The following RBFOX3 variants were observed in gnomAD, a reference collection of about 807,000 sequenced individuals.
The protein encoded by RBFOX3 is RNA binding protein fox-1 homolog 3.
RBFOX3 carries 17 observed loss-of-function variants against 48.7 expected under a neutral mutation model. That is an observed-to-expected ratio of 0.35 (90% CI 0.24 to 0.52). The LOEUF is 0.52. RBFOX3 is among the 20% of genes least tolerant of loss of function. The pLI is 0.94. For synonymous variants in RBFOX3, 212 were observed against 209.5 expected (o/e 1.01, Z -0.10); for missense variants, 382 against 497.5 (o/e 0.77, Z 2.21).
intron 2 of RBFOX3, among the ~76,000 whole-genome samples, chr17:79,348,090 T>A (rs2083207094): frequency 1.3e-5 from 2 of 152,056 alleles, no homozygotes; most frequent in Non-Finnish European, 2.9e-5. Flanking sequence ...ACCTTCCCCC[T>A]CCTGAGAGAT....
At chr17:79,267,466 C>T (rs527618773) in intron 3 of RBFOX3, among the ~76,000 whole-genome samples, 2 of 152,206 alleles carry the variant, frequency 1.3e-5, no homozygotes, top group East Asian at 3.9e-4. Context: ...TCTCGGCTTA[C>T]TGCAACCTCC....
chr17:79,168,380 A>G (rs1432031293), intron 4 of RBFOX3, among the ~76,000 whole-genome samples: 1 of 152,270 alleles, frequency 6.6e-6, no homozygotes, highest in Non-Finnish European at 1.5e-5. Context: ...TGAATTGACC[A>G]AATGGAAATA....
chr17:79,094,195 A>G, intron 14 of RBFOX3: 1 of 423,114 alleles, frequency 2.4e-6, no homozygotes, highest in African/African-American at 2.0e-5. Context: ...GAAACGGATC[A>G]GGCACATTGG....
In RBFOX3 at chr17:79,283,133, T is replaced by C. The variant is rs1000566291; in HGVS notation, c.-74+24591A>G. On this transcript the variant is annotated intron_variant, in intron 3 of 14. Coordinates refer to ENST00000693108, the MANE Select transcript of RBFOX3 (RefSeq NM_001350451.2). The stretch of plus-strand genomic sequence containing the variant: ...AACGCTTGCTAAAGCCATCGATATT[T>C]TGTCATATGGAACAGGAGCAGCCTC... 6.6e-5 allele frequency among the ~76,000 whole-genome samples: 10 copies of C among 152,300 alleles called. No homozygotes were observed. In the South Asian group the frequency reaches 1.7e-3, roughly 25 times the overall value.
intron 4 of RBFOX3, among the ~76,000 whole-genome samples, chr17:79,120,419 G>A (rs748764229): frequency 4.0e-5 from 6 of 150,032 alleles, no homozygotes; most frequent in Admixed American, 6.6e-5. Context: ...TAAAGGGTGG[G>A]TAGATGAGTG....
the RBFOX3 span, among the ~76,000 whole-genome samples, chr17:79,626,407 G>A: frequency 6.6e-6 from 1 of 152,204 alleles, no homozygotes; most frequent in Admixed American, 6.5e-5. Flanking sequence ...AGCGGGCCAC[G>A]CCAGTAAGCA....
intron 5 of RBFOX3, among the ~76,000 whole-genome samples, chr17:79,114,712 G>A (rs901153541): frequency 6.6e-6 from 1 of 152,206 alleles, no homozygotes; most frequent in African/African-American, 2.4e-5. Context: ...CTGGGACAGG[G>A]CCAGCGGGGA....
chr17:79,129,197 C>T (rs1675270), intron 4 of RBFOX3, among the ~76,000 whole-genome samples: 32,607 of 152,188 alleles, frequency 0.21, 3,631 homozygotes, highest in Middle Eastern at 0.25. Flanking sequence ...ATGCCCAGCA[C>T]TGGGTGAAGC....
At chr17:79,503,570 C>A (rs1463811206) in intron 1 of RBFOX3, among the ~76,000 whole-genome samples, 1 of 152,166 alleles carries the variant, frequency 6.6e-6, no homozygotes, top group Non-Finnish European at 1.5e-5. Context: ...TTTAGACACT[C>A]GGCCAGCCTG....
chr17:79,283,308 G>T (rs9906034), intron 3 of RBFOX3, among the ~76,000 whole-genome samples: 10 of 141,034 alleles, frequency 7.1e-5, no homozygotes, highest in African/African-American at 2.6e-4. Context: ...TTGCTCTGTC[G>T]CCCAGGCTGG....
In RBFOX3 at chr17:79,209,996, CA is replaced by C. The variant is rs11452185; in HGVS notation, c.-34+25769del. Among the ~76,000 whole-genome samples, 1,179 of 132,854 alleles carry C rather than the reference CA, an allele frequency of 8.9e-3. 18 individuals are homozygous for C. The highest frequency in any genetic ancestry group is 0.029 in the African/African-American group (1,034 of 35,290). The allele number at this position is 132,854 out of a possible 152,430, so 87.2% of individuals were successfully genotyped here. On this transcript the variant is annotated intron_variant, in intron 4 of 14. Coordinates refer to ENST00000693108, the MANE Select transcript of RBFOX3 (RefSeq NM_001350451.2). The stretch of plus-strand genomic sequence containing the variant: ...TGGGCGACAGAGCAAGACTCCATCT[CA>C]AAAAAAAAAAAAAAAGAAAGAAAAG...
chr17:79,559,416 T>A (rs1344895966), intron 1 of RBFOX3, among the ~76,000 whole-genome samples: 2 of 148,008 alleles, frequency 1.4e-5, no homozygotes, highest in Non-Finnish European at 3.0e-5. Context: ...GAATGGTAAG[T>A]GGTGGGTGGT....
In RBFOX3 at chr17:79,243,309, C is replaced by G. The variant is rs184994568; in HGVS notation, c.-73-7504G>C. Among the ~76,000 whole-genome samples, 1 of 152,150 alleles carries G rather than the reference C, an allele frequency of 6.6e-6. No homozygotes were observed. Among genetic ancestry groups the G allele is most frequent in the Non-Finnish European group, 1.5e-5 (1 of 68,032 alleles). ...TCAGAGTGAGCAGGGGGCAAACCAA[C>G]GTGGCCCCAGGAGAAAACCCACTGT... On this transcript the variant is annotated intron_variant, in intron 3 of 14. Transcript: ENST00000693108. This position sits in a 1 kb window ranked among gnomAD's most constrained non-coding sequence, Gnocchi z 7.9.
rs2056259503 is a variant in RBFOX3 at position 79,198,927 on chromosome 17, C to A, written c.-34+36839G>T. On this transcript the variant is annotated intron_variant, in intron 4 of 14. Coordinates refer to ENST00000693108, the MANE Select transcript of RBFOX3 (RefSeq NM_001350451.2). This position sits in a 1 kb window ranked among gnomAD's most constrained non-coding sequence, Gnocchi z 8.2. ...TACAGGTGTGAGCCACTGCACCTGGCCGAGCTTTTTGATGCCTAATATTCT... is the reference window on the plus strand; with the variant it reads ...TACAGGTGTGAGCCACTGCACCTGGACGAGCTTTTTGATGCCTAATATTCT... Among the ~76,000 whole-genome samples, 1 of 152,198 alleles carries A rather than the reference C, an allele frequency of 6.6e-6. No individual in the cohort carries two copies. The highest frequency in any genetic ancestry group is 2.4e-5 in the African/African-American group (1 of 41,448).
chr17:79,282,174 C>A (rs2070711962), intron 3 of RBFOX3, among the ~76,000 whole-genome samples: 1 of 152,084 alleles, frequency 6.6e-6, no homozygotes, highest in Admixed American at 6.6e-5. Context: ...ACGGGATGGG[C>A]ATGGGGAGCT....
rs146076597 is a variant in RBFOX3 at position 79,399,561 on chromosome 17, A to G, written c.-175+82893T>C. 5.6e-4 allele frequency among the ~76,000 whole-genome samples: 86 copies of G among 152,230 alleles called. No homozygotes were observed. In the Middle Eastern group the frequency reaches 0.01, roughly 18 times the overall value. On this transcript the variant is annotated intron_variant, in intron 2 of 14. Transcript: ENST00000693108. ...GGGTCATCAAATTTAGCAAAATCCC[A>G]CACGGTGGCCGCACCAGGGCCCAGC...
chr17:79,436,955 G>A (rs373002673), intron 2 of RBFOX3, among the ~76,000 whole-genome samples: 1 of 152,196 alleles, frequency 6.6e-6, no homozygotes. Flanking sequence ...GCTGTGGCCA[G>A]AGCCGCCATC....
the RBFOX3 span, among the ~76,000 whole-genome samples, chr17:79,656,761 GGAAGGAAGGAAGGAAGGAAAGAAA>G: frequency 0.076 from 4,142 of 54,516 alleles, 87 homozygotes; most frequent in Middle Eastern, 0.12. Context: ...AAGGAAGGAA[GGAAGGAAGGAAGGAAGGAAAGAAA>G]GAAAGAAAGA....
At chr17:79,464,416 A>C (rs1343027155) in intron 2 of RBFOX3, among the ~76,000 whole-genome samples, 2 of 152,240 alleles carry the variant, frequency 1.3e-5, no homozygotes, top group Non-Finnish European at 2.9e-5. Flanking sequence ...ATGCCCATCA[A>C]GGCGGAGCAG....
Sources: allele counts gnomAD v4.1 joint callset (sites outside exome capture counted in the v4.1 genomes callset), GRCh38; gene constraint gnomAD v4.1.1; non-coding constraint Gnocchi (gnomAD v3.1); transcripts MANE v1.5; gene names NCBI Gene and HGNC (gene_info 2026-07-23, HGNC 2026-07-21).